SCTR: variants seen among roughly 807,000 people sequenced by gnomAD.
SCTR encodes the protein secretin receptor, also known as pancreatic secretin receptor.
A neutral mutation model predicts 60.8 loss-of-function variants in SCTR; 56 were observed. The ratio of observed to expected loss-of-function variants is 0.92; its 90% CI spans 0.74 to 1.15. SCTR has a LOEUF of 1.15. Ranked by LOEUF, SCTR falls within the 50% of genes most tolerant of loss-of-function variation. The pLI is 0.00. For synonymous variants in SCTR, 202 were observed against 217.0 expected (o/e 0.93, Z 0.61); for missense variants, 562 against 550.4 (o/e 1.02, Z -0.21).
chr2:119,501,354 A>G (rs1156487528), intron 1 of SCTR, among the ~76,000 whole-genome samples: 1 of 151,900 alleles, frequency 6.6e-6, no homozygotes, highest in African/African-American at 2.4e-5. Context: ...AGCTTGCAGT[A>G]AGCCGAGATC....
chr2:119,486,812 G>A (rs1677888268), intron 2 of SCTR: 1 of 152,192 alleles, frequency 6.6e-6, no homozygotes, highest in Non-Finnish European at 1.5e-5. Flanking sequence ...CCATATTTTG[G>A]AAAAATGAGC....
At chr2:119,518,390 T>A (rs1679178737) in intron 1 of SCTR, among the ~76,000 whole-genome samples, 1 of 144,436 alleles carries the variant, frequency 6.9e-6, no homozygotes, top group Non-Finnish European at 1.5e-5. Flanking sequence ...GAAAGACACG[T>A]GGCCATCAGG....
At chr2:119,482,839 T>A (rs1446833555) in intron 2 of SCTR, among the ~76,000 whole-genome samples, 1 of 151,662 alleles carries the variant, frequency 6.6e-6, no homozygotes, top group African/African-American at 2.4e-5. Flanking sequence ...GCACCTGGAG[T>A]CTCAGGAGGC....
chr2:119,475,651 T>C (rs1460789392), intron 3 of SCTR, among the ~76,000 whole-genome samples: 1 of 138,762 alleles, frequency 7.2e-6, no homozygotes, highest in East Asian at 1.9e-4. Flanking sequence ...ATATATAATA[T>C]AAATAGATAT....
rs374076871 is a variant in SCTR, at chr2:119,446,215, C to G, written c.1140+544G>C. Among the ~76,000 whole-genome samples, 3 of 152,238 alleles carry G rather than the reference C, an allele frequency of 2.0e-5. No homozygotes were observed. The East Asian group carries it at 5.8e-4, about 29-fold the overall frequency. ...AGGATTCCTGTTACAGAACCAGCAG[C>G]CTCCTGACACCCCACCCTCACTTCC... On this transcript the variant is annotated intron_variant, in intron 11 of 12. Transcript: ENST00000019103.
intron 1 of SCTR, among the ~76,000 whole-genome samples, chr2:119,505,017 A>C (rs1015598318): frequency 6.6e-6 from 1 of 152,290 alleles, no homozygotes; most frequent in Middle Eastern, 3.4e-3. Flanking sequence ...GATCATTAAA[A>C]AGTCAGGAAA....
intron 1 of SCTR, among the ~76,000 whole-genome samples, chr2:119,514,665 C>T (rs1363628938): frequency 6.6e-6 from 1 of 152,042 alleles, no homozygotes. Flanking sequence ...CACCTGAGGT[C>T]GGGAGTTTGA....
In SCTR at chr2:119,478,806, G is replaced by T. The variant is rs767700830; in HGVS notation, c.301+5C>A. The T allele has an allele frequency of 1.7e-5, 28 of 1,614,020 alleles. No homozygotes were observed. Among genetic ancestry groups the T allele is most frequent in the African/African-American group, 2.7e-5 (2 of 74,938 alleles). On this transcript the variant is annotated splice_donor_5th_base_variant and intron_variant, in intron 3 of 12. Coordinates refer to ENST00000019103, the MANE Select transcript of SCTR (RefSeq NM_002980.3). ...TCCGCCAGGCCCCATGGGCCGAGTG[G>T]TTACCATTTCTGCTGGTGAGCATCC...
chr2:119,515,342 A>T (rs1355902875), intron 1 of SCTR, among the ~76,000 whole-genome samples: 1 of 152,220 alleles, frequency 6.6e-6, no homozygotes, highest in Non-Finnish European at 1.5e-5. Flanking sequence ...CCATTTAAGC[A>T]AGACGTGAGG....
At chr2:119,449,936 C>CA (rs939174692) in intron 9 of SCTR, among the ~76,000 whole-genome samples, 7 of 75,814 alleles carry the variant, frequency 9.2e-5, no homozygotes, top group Middle Eastern at 0.012. Context: ...CACTTGAAGA[C>CA]AAAAAAAAGA....
At position 119,478,856 on chromosome 2, in the gene SCTR, C is replaced by G. The variant is rs567398545; in HGVS notation, c.256G>C (p.Glu86Gln). 1 of 1,614,210 alleles carries G rather than the reference C, an allele frequency of 6.2e-7. No homozygotes were observed. Among genetic ancestry groups the G allele is most frequent in the South Asian group, 1.1e-5 (1 of 91,086 alleles). ...WPSSVPGRMV[E>Q]VECPRFLRML... ...CGGAGGAATCTCGGGCATTCCACCT[C>G]CACCATCCGGCCCGGCACAGAAGAG... The change falls in exon 3 of 13, where the codon GAG becomes CAG. Residue 86 changes from glutamate (E) to glutamine (Q), a missense_variant. By Grantham distance (29) the Glu-to-Gln change is conservative. Transcript: ENST00000019103.
chr2:119,465,953 G>C (rs1000538222), intron 4 of SCTR, 67 bp from the exon 5 acceptor site: 20 of 1,155,430 alleles, frequency 1.7e-5, no homozygotes, highest in Middle Eastern at 4.0e-4. Context: ...GTGCCTCACT[G>C]CATCCGCTTC....
chr2:119,441,464 C>A, intron 12 of SCTR, 94 bp downstream of exon 12: 2 of 994,566 alleles, frequency 2.0e-6, no homozygotes, highest in Admixed American at 2.0e-5. Context: ...CTTTCCATCC[C>A]CCTTCCTACC....
chr2:119,443,704 G>T (rs1356183043), intron 11 of SCTR, among the ~76,000 whole-genome samples: 1 of 152,058 alleles, frequency 6.6e-6, no homozygotes, highest in East Asian at 1.9e-4. Flanking sequence ...ACACCACCAT[G>T]CCTGGGTAAT....
intron 4 of SCTR, among the ~76,000 whole-genome samples, chr2:119,472,647 T>A (rs1188570015): frequency 6.6e-6 from 1 of 152,152 alleles, no homozygotes; most frequent in Admixed American, 6.5e-5. Context: ...ACATTTTTTT[T>A]TTTAAGAGAC....
chr2:119,497,772 A>G (rs540578315), intron 1 of SCTR, among the ~76,000 whole-genome samples: 3 of 152,182 alleles, frequency 2.0e-5, no homozygotes, highest in Non-Finnish European at 2.9e-5. Flanking sequence ...GGAAGGGTGG[A>G]TAGAGAAAAG....
chr2:119,448,029 G>A (rs1252591281), intron 10 of SCTR, among the ~76,000 whole-genome samples: 1 of 152,160 alleles, frequency 6.6e-6, no homozygotes, highest in Non-Finnish European at 1.5e-5. Flanking sequence ...ATGGAGTGGG[G>A]CCTAATCAAA....
chr2:119,499,274 T>C (rs1294088275), intron 1 of SCTR, among the ~76,000 whole-genome samples: 3 of 151,976 alleles, frequency 2.0e-5, no homozygotes, highest in African/African-American at 7.2e-5. Context: ...TCTACAATTT[T>C]AGTTGGAGAC....
chr2:119,477,747 A>G (rs1169608230), intron 3 of SCTR, among the ~76,000 whole-genome samples: 7 of 152,158 alleles, frequency 4.6e-5, no homozygotes, highest in African/African-American at 1.7e-4. Context: ...CACCGCACCC[A>G]GCCTGTTTTG....
Sources: allele counts gnomAD v4.1 joint callset (sites outside exome capture counted in the v4.1 genomes callset), GRCh38; gene constraint gnomAD v4.1.1; transcripts MANE v1.5; gene names NCBI Gene and HGNC (gene_info 2026-07-23, HGNC 2026-07-21).